Variants in NEGR1 observed in about 807,000 individuals in gnomAD.
NEGR1 encodes the protein IgLON family member 4.
In NEGR1, 10 loss-of-function variants were observed where a neutral mutation model predicts 40.9. The ratio of observed to expected loss-of-function variants is 0.24; its 90% CI spans 0.15 to 0.42. The LOEUF is 0.42. Ranked by LOEUF, NEGR1 falls within the 10% of genes least tolerant of loss-of-function variation. NEGR1 has a pLI of 1.00. For synonymous variants in NEGR1, 185 were observed against 166.8 expected, an observed-to-expected ratio of 1.11 and a Z score of -0.84; for missense variants, 352 against 438.9, an observed-to-expected ratio of 0.80 and a Z score of 1.77.
chr1:71,577,677 T>A (rs1339611602), intron 6 of NEGR1, among the ~76,000 whole-genome samples: 1 of 152,152 alleles, frequency 6.6e-6, no homozygotes, highest in Non-Finnish European at 1.5e-5. Context: ...TCAGACCAAT[T>A]TCTAGTCTGA....
chr1:71,435,109 AC>A (rs1457850178), intron 6 of NEGR1, among the ~76,000 whole-genome samples: 4 of 147,648 alleles, frequency 2.7e-5, no homozygotes, highest in African/African-American at 1.0e-4. Flanking sequence ...AAACAAACAA[AC>A]AAAAAAAAAA....
At chr1:71,804,710 C>T (rs1032305809) in intron 2 of NEGR1, among the ~76,000 whole-genome samples, 2 of 152,268 alleles carry the variant, frequency 1.3e-5, no homozygotes, top group East Asian at 3.9e-4. Flanking sequence ...TCTTTGTAAA[C>T]TGAGGAGGAT....
intron 1 of NEGR1, among the ~76,000 whole-genome samples, chr1:72,169,623 A>G (rs1263727247): frequency 1.3e-5 from 2 of 152,154 alleles, no homozygotes; most frequent in South Asian, 2.1e-4. Context: ...AAATTCTCCA[A>G]TGGTTCTCTT....
intron 6 of NEGR1, among the ~76,000 whole-genome samples, chr1:71,537,004 T>C (rs879779943): frequency 6.6e-6 from 1 of 151,550 alleles, no homozygotes; most frequent in East Asian, 2.0e-4. Flanking sequence ...CTATTCAGAG[T>C]TCATTGATTC....
intron 1 of NEGR1, among the ~76,000 whole-genome samples, chr1:72,254,706 A>G (rs1208427394): frequency 6.6e-6 from 1 of 151,844 alleles, no homozygotes; most frequent in African/African-American, 2.4e-5. Context: ...TGTCTAAAAA[A>G]AAAAAAAAAA....
chr1:71,493,643 T>A (rs1178072857), intron 6 of NEGR1, among the ~76,000 whole-genome samples: 1 of 152,208 alleles, frequency 6.6e-6, no homozygotes, highest in African/African-American at 2.4e-5. Context: ...ATTGGTATTT[T>A]ACACTTTTTA....
chr1:71,590,542 TA>T (rs1370371181), intron 6 of NEGR1, among the ~76,000 whole-genome samples: 1 of 152,050 alleles, frequency 6.6e-6, no homozygotes, highest in Non-Finnish European at 1.5e-5. Flanking sequence ...GCATTGTAGA[TA>T]AAAGCTTAGA....
At chr1:72,204,883 C>T (rs1653338912) in intron 1 of NEGR1, among the ~76,000 whole-genome samples, 1 of 152,074 alleles carries the variant, frequency 6.6e-6, no homozygotes, top group Non-Finnish European at 1.5e-5. Flanking sequence ...TTTCCAGTCT[C>T]CCTTCCACAA....
intron 6 of NEGR1, among the ~76,000 whole-genome samples, chr1:71,563,816 G>A (rs557255702): frequency 3.9e-4 from 60 of 151,942 alleles, no homozygotes; most frequent in African/African-American, 1.2e-3. Flanking sequence ...ATAAAGGAAG[G>A]ATCACAGAGC....
intron 6 of NEGR1, among the ~76,000 whole-genome samples, chr1:71,509,473 A>G (rs1290243935): frequency 6.6e-6 from 1 of 152,204 alleles, no homozygotes; most frequent in Non-Finnish European, 1.5e-5. Flanking sequence ...GCAGTTACTC[A>G]GCTCTCCATA....
intron 6 of NEGR1, among the ~76,000 whole-genome samples, chr1:71,526,541 CAG>C (rs1306507619): frequency 6.6e-6 from 1 of 151,494 alleles, no homozygotes; most frequent in Non-Finnish European, 1.5e-5. Flanking sequence ...CCACCACCCA[CAG>C]AGAGAGGTGG....
At chr1:71,587,349 C>T (rs969169930) in intron 6 of NEGR1, among the ~76,000 whole-genome samples, 6 of 152,148 alleles carry the variant, frequency 3.9e-5, no homozygotes, top group African/African-American at 1.4e-4. Flanking sequence ...TTACTTTCTC[C>T]AGTAGACTCT....
intron 6 of NEGR1, among the ~76,000 whole-genome samples, chr1:71,591,574 C>T (rs886470622): frequency 6.6e-6 from 1 of 152,012 alleles, no homozygotes; most frequent in African/African-American, 2.4e-5. Context: ...GGAATTCACA[C>T]TGCTTTATAA....
At chr1:71,527,717 T>C (rs1647237603) in intron 6 of NEGR1, among the ~76,000 whole-genome samples, 1 of 150,908 alleles carries the variant, frequency 6.6e-6, no homozygotes, top group Non-Finnish European at 1.5e-5. Context: ...GGAGGAAAGA[T>C]AATCTATTGA....
chr1:71,594,322 A>AT (rs1374309868), intron 5 of NEGR1, among the ~76,000 whole-genome samples: 1 of 152,094 alleles, frequency 6.6e-6, no homozygotes, highest in African/African-American at 2.4e-5. Flanking sequence ...AAGTTTTTGT[A>AT]TTTTTTTAAA....
intron 1 of NEGR1, among the ~76,000 whole-genome samples, chr1:72,000,994 G>T (rs1646552699): frequency 6.6e-6 from 1 of 152,014 alleles, no homozygotes; most frequent in South Asian, 2.1e-4. Flanking sequence ...CAGGAGACTT[G>T]CTCAGACATG....
At chr1:72,232,126 C>T (rs900143921) in intron 1 of NEGR1, among the ~76,000 whole-genome samples, 11 of 151,964 alleles carry the variant, frequency 7.2e-5, no homozygotes, top group South Asian at 6.2e-4. Flanking sequence ...GAGGCTGAGG[C>T]GGGCGGATCA....
chr1:71,630,636 G>A (rs937770256), intron 4 of NEGR1, among the ~76,000 whole-genome samples: 4 of 151,628 alleles, frequency 2.6e-5, no homozygotes, highest in Admixed American at 1.3e-4. Context: ...TTTTTATGTG[G>A]GTTTTGAGTG....
chr1:71,690,698 C>T (rs541019705), intron 4 of NEGR1, among the ~76,000 whole-genome samples: 2 of 139,384 alleles, frequency 1.4e-5, no homozygotes, highest in African/African-American at 2.6e-5. Flanking sequence ...TCTTTCCTGA[C>T]TTTGACTTTA....
Sources: allele counts gnomAD v4.1 joint callset (sites outside exome capture counted in the v4.1 genomes callset), GRCh38; gene constraint gnomAD v4.1.1; transcripts MANE v1.5; gene names NCBI Gene and HGNC (gene_info 2026-07-23, HGNC 2026-07-21).